PRKAG2: variants seen among roughly 807,000 people sequenced by gnomAD.
The protein encoded by PRKAG2 is 5'-AMP-activated protein kinase subunit gamma-2.
PRKAG2 carries 26 observed loss-of-function variants against 69.6 expected under a neutral mutation model. That is an observed-to-expected ratio of 0.37 (90% CI 0.27 to 0.52). The LOEUF is 0.52. Among genes scored for constraint, PRKAG2 ranks in the 20% least tolerant of loss-of-function variants. The pLI is 0.90. For missense variants in PRKAG2, 557 were observed against 740.0 expected, an observed-to-expected ratio of 0.75 and a Z score of 2.87; for synonymous variants, 293 against 285.0, an observed-to-expected ratio of 1.03 and a Z score of -0.28.
chr7:151,602,520 AT>A (rs1248425083), intron 5 of PRKAG2, among the ~76,000 whole-genome samples: 1 of 152,234 alleles, frequency 6.6e-6, no homozygotes, highest in African/African-American at 2.4e-5. Context: ...TATTTTTAAT[AT>A]ACCATTTTAA....
chr7:151,594,737 C>T (rs886912515), intron 6 of PRKAG2, among the ~76,000 whole-genome samples: 2 of 152,176 alleles, frequency 1.3e-5, no homozygotes, highest in Non-Finnish European at 2.9e-5. Flanking sequence ...GTTCAAAACC[C>T]CATCTTGTAC....
chr7:151,823,229 G>C (rs1398822414), intron 1 of PRKAG2, among the ~76,000 whole-genome samples: 1 of 137,686 alleles, frequency 7.3e-6, no homozygotes, highest in Non-Finnish European at 1.6e-5. Context: ...TTGGCTACAG[G>C]GATTTTGTAT....
chr7:151,587,637 T>C (rs1175521979), intron 6 of PRKAG2, among the ~76,000 whole-genome samples: 1 of 152,126 alleles, frequency 6.6e-6, no homozygotes, highest in Non-Finnish European at 1.5e-5. Context: ...AGTCTAATCA[T>C]GATAAATCAT....
At chr7:151,622,935 G>C in intron 5 of PRKAG2, among the ~76,000 whole-genome samples, 1 of 152,194 alleles carries the variant, frequency 6.6e-6, no homozygotes, top group East Asian at 1.9e-4. Flanking sequence ...CTACATCCCA[G>C]GCCCTCTAAT....
At chr7:151,709,881 T>C (rs1429797477) in intron 3 of PRKAG2, among the ~76,000 whole-genome samples, 1 of 152,000 alleles carries the variant, frequency 6.6e-6, no homozygotes, top group African/African-American at 2.4e-5. Context: ...GAGACTGACA[T>C]TGAGTGATGT....
chr7:151,723,282 T>TCA (rs1047103922), intron 3 of PRKAG2, among the ~76,000 whole-genome samples: 1 of 152,106 alleles, frequency 6.6e-6, no homozygotes, highest in Non-Finnish European at 1.5e-5. Flanking sequence ...GAGTCCTTCT[T>TCA]CAAGGGGACC....
At chr7:151,856,676 G>A (rs111347863) in intron 1 of PRKAG2, among the ~76,000 whole-genome samples, 114 of 152,300 alleles carry the variant, frequency 7.5e-4, no homozygotes, top group African/African-American at 2.5e-3. Context: ...CACCCACACC[G>A]AATATAACTC....
chr7:151,700,874 G>A (rs911350918), intron 3 of PRKAG2, among the ~76,000 whole-genome samples: 5 of 152,208 alleles, frequency 3.3e-5, no homozygotes, highest in Admixed American at 1.3e-4. Context: ...CCCGTTTAGA[G>A]GTCAAACATC....
intron 3 of PRKAG2, among the ~76,000 whole-genome samples, chr7:151,773,489 C>T (rs970985257): frequency 6.6e-6 from 1 of 152,168 alleles, no homozygotes; most frequent in African/African-American, 2.4e-5. Context: ...CAACTTAAGC[C>T]CTCGTGCCTC....
rs1818399851 is a variant in PRKAG2 at position 151,610,017 on chromosome 7, T to C, written c.755-14563A>G. Among the ~76,000 whole-genome samples the C allele has an allele frequency of 2.0e-5, 3 of 152,142 alleles. No homozygotes were observed. In the South Asian group the frequency reaches 6.2e-4, roughly 31 times the overall value. On this transcript the variant is annotated intron_variant, in intron 5 of 15. Transcript: ENST00000287878. ...ACCCCGGAGGCTGCCAACACCACCTTTATCTCATGCTCCACATTTTAATAT... is the reference window on the plus strand; with the variant it reads ...ACCCCGGAGGCTGCCAACACCACCTCTATCTCATGCTCCACATTTTAATAT...
At chr7:151,733,475 G>C (rs1799278247) in intron 3 of PRKAG2, among the ~76,000 whole-genome samples, 1 of 152,232 alleles carries the variant, frequency 6.6e-6, no homozygotes, top group Non-Finnish European at 1.5e-5. Context: ...GGAAGCCACT[G>C]TCTGGCACAT....
chr7:151,738,000 A>T (rs12538866), intron 3 of PRKAG2, among the ~76,000 whole-genome samples: 5,244 of 31,108 alleles, frequency 0.17, 1,333 homozygotes, highest in South Asian at 0.24. Context: ...CGGGGCCTCC[A>T]TCCACAGAAG....
At chr7:151,784,087 T>G (rs2076875161) in intron 2 of PRKAG2, among the ~76,000 whole-genome samples, 1 of 152,004 alleles carries the variant, frequency 6.6e-6, no homozygotes, top group African/African-American at 2.4e-5. Context: ...GGCCCGGGTT[T>G]GGTCACAGCT....
At chr7:151,575,913 A>G (rs74695131) in intron 7 of PRKAG2, among the ~76,000 whole-genome samples, 8 of 150,372 alleles carry the variant, frequency 5.3e-5, no homozygotes, top group African/African-American at 1.5e-4. Context: ...AAAAAAAAAA[A>G]GAAAAAAAGG....
chr7:151,714,770 C>T (rs991297701), intron 3 of PRKAG2, among the ~76,000 whole-genome samples: 2 of 151,390 alleles, frequency 1.3e-5, no homozygotes. Flanking sequence ...GACAACATGG[C>T]GAAACCTCAT....
chr7:151,655,019 T>G (rs66576954), intron 4 of PRKAG2, among the ~76,000 whole-genome samples: 2 of 152,046 alleles, frequency 1.3e-5, no homozygotes, highest in Non-Finnish European at 2.9e-5. Flanking sequence ...GAATTCACTC[T>G]TGAAAATGAA....
rs138169395 is a variant in PRKAG2 at position 151,635,568 on chromosome 7, GA to G, written c.685-3431del. On this transcript the variant is annotated intron_variant, in intron 4 of 15. Coordinates refer to ENST00000287878, the MANE Select transcript of PRKAG2 (RefSeq NM_016203.4). ...GGATAGATCTCCAGGGAATTATGCT[GA>G]GGGGGAAAAAGCCAGTCCTAAAACG... Among the ~76,000 whole-genome samples, 1,041 of 152,250 alleles carry G rather than the reference GA, an allele frequency of 6.8e-3. 8 individuals carry two copies. Among genetic ancestry groups the G allele is most frequent in the African/African-American group, 0.024 (995 of 41,534 alleles).
At chr7:151,736,779 G>A (rs969807448) in intron 3 of PRKAG2, among the ~76,000 whole-genome samples, 10 of 152,166 alleles carry the variant, frequency 6.6e-5, no homozygotes, top group Non-Finnish European at 1.2e-4. Context: ...GAAGGTCTTC[G>A]GCAAATGCGT....
At chr7:151,842,212 T>G (rs1166376313) in intron 1 of PRKAG2, among the ~76,000 whole-genome samples, 2 of 116,062 alleles carry the variant, frequency 1.7e-5, no homozygotes, top group Admixed American at 8.3e-5. Context: ...GGGATGGTAG[T>G]GATGGTAGGT....
Sources: allele counts gnomAD v4.1 joint callset (sites outside exome capture counted in the v4.1 genomes callset), GRCh38; gene constraint gnomAD v4.1.1; transcripts MANE v1.5; gene names NCBI Gene and HGNC (gene_info 2026-07-23, HGNC 2026-07-21).